The following KLHL29 variants were observed in gnomAD, a reference collection of about 807,000 sequenced individuals.
The protein encoded by KLHL29 is kelch-like protein 29.
Under a neutral mutation model 80.4 loss-of-function variants are expected in KLHL29, and 21 were observed. That is an observed-to-expected ratio of 0.26 (90% CI 0.19 to 0.38). KLHL29 has a LOEUF of 0.38. Among genes scored for constraint, KLHL29 ranks in the 10% least tolerant of loss-of-function variants. KLHL29 has a pLI of 1.00. For missense variants in KLHL29, 867 were observed against 1,223.9 expected (o/e 0.71, Z 4.35); for synonymous variants, 511 against 526.8 (o/e 0.97, Z 0.41).
intron 1 of KLHL29, among the ~76,000 whole-genome samples, chr2:23,465,731 T>C (rs2103431302): frequency 6.6e-6 from 1 of 152,292 alleles, no homozygotes; most frequent in East Asian, 1.9e-4. Context: ...CATTTGCCCC[T>C]CTGAATTTCT....
intron 3 of KLHL29, among the ~76,000 whole-genome samples, chr2:23,587,333 G>C (rs1558398892): frequency 6.6e-6 from 1 of 151,686 alleles, no homozygotes; most frequent in Non-Finnish European, 1.5e-5. Context: ...AAGGAGGTGA[G>C]CGTGGTGGAG....
At chr2:23,431,040 G>C (rs6727901) in intron 1 of KLHL29, among the ~76,000 whole-genome samples, 77,235 of 152,138 alleles carry the variant, frequency 0.51, 20,917 homozygotes, top group African/African-American at 0.71. Context: ...TCCTTTCTCC[G>C]TGCTGTGCAG....
intron 11 of KLHL29, among the ~76,000 whole-genome samples, chr2:23,701,812 T>C (rs1384248083): frequency 1.4e-5 from 2 of 143,682 alleles, no homozygotes; most frequent in South Asian, 2.4e-4. Flanking sequence ...TTTTTTTTTT[T>C]TTTTTTTCAG....
chr2:23,410,350 G>A (rs1038168642), intron 1 of KLHL29, among the ~76,000 whole-genome samples: 1 of 152,112 alleles, frequency 6.6e-6, no homozygotes, highest in Non-Finnish European at 1.5e-5. Context: ...GTTCGAGGGT[G>A]GGAAGTAAAG....
intron 1 of KLHL29, among the ~76,000 whole-genome samples, chr2:23,393,860 C>G (rs778127537): frequency 6.6e-6 from 1 of 152,162 alleles, no homozygotes; most frequent in South Asian, 2.1e-4. Flanking sequence ...ACTGCTGGCC[C>G]GGCACTGGCA....
At chr2:23,545,921 C>G (rs1275010473) in intron 2 of KLHL29, among the ~76,000 whole-genome samples, 1 of 152,228 alleles carries the variant, frequency 6.6e-6, no homozygotes, top group Non-Finnish European at 1.5e-5. Flanking sequence ...TCTGCAGACC[C>G]CTTTGTTGAG....
intron 1 of KLHL29, among the ~76,000 whole-genome samples, chr2:23,464,493 C>T (rs1198812703): frequency 1.3e-5 from 2 of 152,340 alleles, no homozygotes; most frequent in Middle Eastern, 3.4e-3. Context: ...CTTGCCTGCT[C>T]ATTTGGAGCA....
At chr2:23,585,627 C>T (rs1407537501) in intron 3 of KLHL29, among the ~76,000 whole-genome samples, 2 of 152,238 alleles carry the variant, frequency 1.3e-5, no homozygotes, top group African/African-American at 4.8e-5. Flanking sequence ...CCACCTCCTC[C>T]CTTTCTGCCC....
chr2:23,467,611 A>T (rs1191493662), intron 1 of KLHL29, among the ~76,000 whole-genome samples: 2 of 152,062 alleles, frequency 1.3e-5, no homozygotes, highest in Non-Finnish European at 2.9e-5. Context: ...TTTAAGACCC[A>T]CTTGTGTTGG....
At position 23,681,830 on chromosome 2, in the gene KLHL29, T is replaced by C. The variant is rs1420586167; in HGVS notation, c.941-2569T>C. Among the ~76,000 whole-genome samples the C allele has an allele frequency of 6.6e-6, 1 of 152,178 alleles. No individual in the cohort carries two copies. The highest frequency in any genetic ancestry group is 2.4e-5 in the African/African-American group (1 of 41,448). ...ACCTGGCTCGTGGTTTGGGCATTAA[T>C]TCGGCTGGTGACTCTTTCTGGAGAT... On this transcript the variant is annotated intron_variant, in intron 5 of 13. Coordinates refer to ENST00000486442, the MANE Select transcript of KLHL29 (RefSeq NM_052920.2). The surrounding 1 kb of genome is among the most constrained non-coding windows in gnomAD (Gnocchi z 4.2).
chr2:23,597,672 G>C (rs1017212912), intron 3 of KLHL29, among the ~76,000 whole-genome samples: 4 of 151,806 alleles, frequency 2.6e-5, no homozygotes, highest in Non-Finnish European at 5.9e-5. Flanking sequence ...TGATCTGCCC[G>C]CCTTGGCCTC....
chr2:23,440,757 T>G (rs1337970740), intron 1 of KLHL29, among the ~76,000 whole-genome samples: 2 of 151,770 alleles, frequency 1.3e-5, no homozygotes, highest in East Asian at 3.9e-4. Context: ...ATCAGAGAAA[T>G]GCAAATCAAA....
rs115706714 is a variant in KLHL29 at position 23,591,414 on chromosome 2, G to A, written c.285+28933G>A. ...CTGCTTCCTGGGCAGAGCCTTGGGC[G>A]TCCACAGCACTTCAGACTCACTTCT... On this transcript the variant is annotated intron_variant, in intron 3 of 13. Transcript: ENST00000486442. Among the ~76,000 whole-genome samples, 662 of 152,152 alleles carry A rather than the reference G, an allele frequency of 4.4e-3. 2 individuals carry two copies. The highest frequency in any genetic ancestry group is 0.014 in the African/African-American group (595 of 41,500).
intron 1 of KLHL29, among the ~76,000 whole-genome samples, chr2:23,419,724 C>T (rs934221023): frequency 2.6e-5 from 4 of 152,118 alleles, no homozygotes; most frequent in African/African-American, 4.8e-5. Context: ...AGGCCCGTGT[C>T]GCAGTGGGGC....
intron 2 of KLHL29, among the ~76,000 whole-genome samples, chr2:23,556,295 C>T (rs1405230108): frequency 1.3e-5 from 2 of 152,120 alleles, no homozygotes; most frequent in Non-Finnish European, 2.9e-5. Flanking sequence ...AGATGACCCC[C>T]CTCGCGGAGG....
chr2:23,456,912 G>A (rs4665215), intron 1 of KLHL29, among the ~76,000 whole-genome samples: 18,883 of 152,154 alleles, frequency 0.12, 2,466 homozygotes, highest in African/African-American at 0.31. Context: ...TGCGGAGACA[G>A]CCAGGCAGAG....
rs186533345 is a variant in KLHL29, at chr2:23,442,860, C to G, written c.-153-32700C>G. Among the ~76,000 whole-genome samples, 9 of 152,230 alleles carry G rather than the reference C, an allele frequency of 5.9e-5. No homozygotes were observed. In the East Asian group the frequency reaches 1.5e-3, roughly 26 times the overall value. On this transcript the variant is annotated intron_variant, in intron 1 of 13. Coordinates refer to ENST00000486442, the MANE Select transcript of KLHL29 (RefSeq NM_052920.2). ...TCAAACTGGCAGACATTTGACAGACCAGAATCTCATGTCATTTTCTTCAGG... is the reference window on the plus strand; with the variant it reads ...TCAAACTGGCAGACATTTGACAGACGAGAATCTCATGTCATTTTCTTCAGG...
intron 2 of KLHL29, among the ~76,000 whole-genome samples, chr2:23,555,727 C>T (rs192671380): frequency 6.6e-6 from 1 of 152,368 alleles, no homozygotes; most frequent in Admixed American, 6.5e-5. Context: ...ACACCCTTCA[C>T]CGTCTCCTGG....
intron 3 of KLHL29, among the ~76,000 whole-genome samples, chr2:23,567,073 G>A (rs1667606656): frequency 1.3e-5 from 2 of 152,196 alleles, no homozygotes; most frequent in South Asian, 4.1e-4. Context: ...AGGACCGCAG[G>A]GGCAGGGTGC....
Sources: gnomAD v4.1 joint callset for allele counts (sites outside exome capture counted in the v4.1 genomes callset) on GRCh38, gnomAD v4.1.1 for gene constraint, Gnocchi (gnomAD v3.1) non-coding constraint, MANE v1.5 for transcripts, NCBI Gene and HGNC (gene_info 2026-07-23, HGNC 2026-07-21) for gene names.